Variants in KCNT2 observed in about 807,000 individuals in gnomAD.
KCNT2 encodes the protein potassium channel subfamily T member 2.
In KCNT2, 67 loss-of-function variants were observed where a neutral mutation model predicts 153.8. The ratio of observed to expected loss-of-function variants is 0.44; its 90% CI spans 0.36 to 0.53. The LOEUF is 0.53. Ranked by LOEUF, KCNT2 falls within the 20% of genes least tolerant of loss-of-function variation. The pLI, the probability that KCNT2 is intolerant of heterozygous loss-of-function variation, is 0.00. For missense variants in KCNT2, 975 were observed against 1,354.8 expected, an observed-to-expected ratio of 0.72 and a Z score of 4.40; for synonymous variants, 500 against 458.8, an observed-to-expected ratio of 1.09 and a Z score of -1.15.
chr1:196,501,671 C>T (rs772654832), intron 1 of KCNT2, among the ~76,000 whole-genome samples: 1 of 152,092 alleles, frequency 6.6e-6, no homozygotes, highest in Non-Finnish European at 1.5e-5. Flanking sequence ...GATGGGCACA[C>T]AAAAAGCTCA....
intron 1 of KCNT2, among the ~76,000 whole-genome samples, chr1:196,557,672 A>G (rs1432654711): frequency 6.6e-6 from 1 of 151,264 alleles, no homozygotes; most frequent in Non-Finnish European, 1.5e-5. Context: ...ACCACTGAGC[A>G]TCTAATCTCA....
At chr1:196,282,377 CA>C in intron 23 of KCNT2, 21 bp from the exon 24 acceptor site, 1 of 1,268,838 alleles carries the variant, frequency 7.9e-7, no homozygotes, top group Non-Finnish European at 1.1e-6. Context: ...AACAAACAAA[CA>C]ATATATAAAT....
chr1:196,379,679 C>T (rs1432636235), intron 13 of KCNT2, among the ~76,000 whole-genome samples: 2 of 151,192 alleles, frequency 1.3e-5, no homozygotes, highest in African/African-American at 4.9e-5. Context: ...TTCTTCTCAT[C>T]CATTTAAAGT....
chr1:196,325,739 C>A (rs1467648497), intron 19 of KCNT2, among the ~76,000 whole-genome samples: 1 of 152,038 alleles, frequency 6.6e-6, no homozygotes, highest in Admixed American at 6.6e-5. Context: ...TCTGAAAATT[C>A]TTCAAATGAA....
At chr1:196,394,190 G>A (rs1306238557) in intron 13 of KCNT2, among the ~76,000 whole-genome samples, 2 of 151,590 alleles carry the variant, frequency 1.3e-5, no homozygotes, top group Non-Finnish European at 3.0e-5. Flanking sequence ...ATGGAGGTAT[G>A]AAGATGGAGC....
At chr1:196,240,484 G>A (rs1187565663) in intron 26 of KCNT2, among the ~76,000 whole-genome samples, 1 of 151,944 alleles carries the variant, frequency 6.6e-6, no homozygotes, top group Middle Eastern at 3.2e-3. Context: ...TAAAGGTTAT[G>A]TATTATTATA....
At chr1:196,294,586 A>G (rs1660511244) in intron 22 of KCNT2, among the ~76,000 whole-genome samples, 1 of 152,024 alleles carries the variant, frequency 6.6e-6, no homozygotes, top group Non-Finnish European at 1.5e-5. Flanking sequence ...GACAGCCATT[A>G]TGAAAAACAG....
chr1:196,355,160 G>A (rs1207117588), intron 14 of KCNT2, among the ~76,000 whole-genome samples: 1 of 151,412 alleles, frequency 6.6e-6, no homozygotes, highest in African/African-American at 2.4e-5. Context: ...AGAACTGACT[G>A]TACGGATGCA....
At chr1:196,580,433 C>T (rs1049971220) in intron 1 of KCNT2, among the ~76,000 whole-genome samples, 5 of 152,126 alleles carry the variant, frequency 3.3e-5, no homozygotes, top group Admixed American at 2.6e-4. Context: ...CCCACAGGTA[C>T]ACTGTCTGAT....
intron 1 of KCNT2, among the ~76,000 whole-genome samples, chr1:196,596,056 GTATATA>G (rs1174131733): frequency 0.011 from 46 of 4,330 alleles, no homozygotes; most frequent in Admixed American, 0.019. Flanking sequence ...TCCATGATGT[GTATATA>G]TATATATATA....
rs7530140 is a variant in KCNT2, at chr1:196,566,168, T to A, written c.95+42047A>T. Reference sequence around the variant, plus strand: ...ACTTGAGACAGGAGATCACTAAAGATCCTTTATTGCCAAGGAGAGTGAGAC... The same window carrying A: ...ACTTGAGACAGGAGATCACTAAAGAACCTTTATTGCCAAGGAGAGTGAGAC... On this transcript the variant is annotated intron_variant, in intron 1 of 27. Transcript: ENST00000294725. Among the ~76,000 whole-genome samples the A allele has an allele frequency of 4.8e-3, 737 of 152,088 alleles. 3 individuals are homozygous for A. The highest frequency in any genetic ancestry group is 0.016 in the African/African-American group (670 of 41,542).
chr1:196,593,439 T>C (rs974527005), intron 1 of KCNT2, among the ~76,000 whole-genome samples: 4 of 151,854 alleles, frequency 2.6e-5, no homozygotes, highest in African/African-American at 9.7e-5. Flanking sequence ...AATTGTGAAT[T>C]GTGCTGCTAT....
Position 196,429,646 on chromosome 1 carries a change from A to C in KCNT2, c.750T>G (p.Pro250=), listed in dbSNP as rs781404030. Residue 250 remains proline (P), a synonymous_variant, in exon 9 of 28, where the codon CCT becomes CCG. Coordinates refer to ENST00000294725, the MANE Select transcript of KCNT2 (RefSeq NM_198503.5). ...FSTVGFGDVT[P]ETWSSKLFVV... The stretch of plus-strand genomic sequence containing the variant: ...CAAAAAGCTTGGAGGACCATGTTTC[A>C]GGAGTGACATCCCCGAAGCCCACAG... 1.2e-6 allele frequency: 2 copies of C among 1,613,028 alleles called. No individual in the cohort carries two copies. Among genetic ancestry groups the C allele is most frequent in the Admixed American group, 3.3e-5 (2 of 59,944 alleles).
At chr1:196,372,223 A>G (rs138909863) in intron 14 of KCNT2, among the ~76,000 whole-genome samples, 18 of 152,116 alleles carry the variant, frequency 1.2e-4, no homozygotes, top group African/African-American at 4.1e-4. Flanking sequence ...TCTAATTTAT[A>G]TAACACTGAG....
chr1:196,554,086 TTAA>T (rs1246012384), intron 1 of KCNT2, among the ~76,000 whole-genome samples: 2 of 150,904 alleles, frequency 1.3e-5, no homozygotes, highest in African/African-American at 4.8e-5. Flanking sequence ...AATAAATAAC[TTAA>T]TAATGCATCT....
chr1:196,588,270 GGA>G (rs1491362825), intron 1 of KCNT2, among the ~76,000 whole-genome samples: 1 of 52,594 alleles, frequency 1.9e-5, no homozygotes, highest in African/African-American at 3.0e-5. Flanking sequence ...TAAATAGATG[GGA>G]AAAAAAAACA....
intron 22 of KCNT2, among the ~76,000 whole-genome samples, chr1:196,304,859 C>T (rs1269323496): frequency 6.6e-6 from 1 of 152,124 alleles, no homozygotes; most frequent in Admixed American, 6.5e-5. Context: ...GTAGTCTCCC[C>T]TACCTAGGTA....
rs1653480906 is a variant in KCNT2, at chr1:196,226,247, T to C, written c.*1977A>G. ...AAAATCTTACATTTATTCCTAAAAA[T>C]AATGAAGTAAAAAAAGTCAACTTAA... On this transcript the variant is annotated 3_prime_UTR_variant, in exon 28 of 28. Coordinates refer to ENST00000294725, the MANE Select transcript of KCNT2 (RefSeq NM_198503.5). 6.6e-6 allele frequency: 1 copy of C among 151,952 alleles called. No homozygotes were observed. Among genetic ancestry groups the C allele is most frequent in the African/African-American group, 2.4e-5 (1 of 41,432 alleles). 9.4% of individuals were successfully genotyped at this position (151,952 alleles called of 1,614,324 possible). A position where few individuals can be genotyped will look rare whatever the true frequency, so the allele number is the denominator to read the frequency against.
At chr1:196,530,117 G>A (rs1359632327) in intron 1 of KCNT2, among the ~76,000 whole-genome samples, 2 of 151,718 alleles carry the variant, frequency 1.3e-5, no homozygotes, top group Non-Finnish European at 2.9e-5. Context: ...TAAATATAAA[G>A]TTTATTGTGG....
Sources: gnomAD v4.1 joint callset for allele counts (sites outside exome capture counted in the v4.1 genomes callset) on GRCh38, gnomAD v4.1.1 for gene constraint, MANE v1.5 for transcripts, NCBI Gene and HGNC (gene_info 2026-07-23, HGNC 2026-07-21) for gene names.